VSTM4: variants seen among roughly 807,000 people sequenced by gnomAD.
VSTM4 encodes the protein V-set and transmembrane domain containing 4.
Under a neutral mutation model 36.4 loss-of-function variants are expected in VSTM4, and 20 were observed. The ratio of observed to expected loss-of-function variants is 0.55; its 90% confidence interval spans 0.39 to 0.80. The LOEUF is 0.80. Among genes scored for constraint, VSTM4 ranks in the 30% least tolerant of loss-of-function variants. The pLI, the probability that VSTM4 is intolerant of heterozygous loss-of-function variation, is 0.00. For missense variants in VSTM4, 392 were observed against 404.5 expected (o/e 0.97, Z 0.26); for synonymous variants, 182 against 173.9 (o/e 1.05, Z -0.37).
At position 49,089,013 on chromosome 10, in the gene VSTM4, C is replaced by T. The variant is rs1411912065; in HGVS notation, c.458-2990G>A. Among the ~76,000 whole-genome samples the T allele has an allele frequency of 3.9e-5, 6 of 152,222 alleles. No homozygotes were observed. In the South Asian group the frequency reaches 1.2e-3, roughly 32 times the overall value. ...TCAGAATCTGCTTTCAAGCCCAAATCCCCTGGGTGAAATGTATGCCTTTTA... is the reference window on the plus strand; with the variant it reads ...TCAGAATCTGCTTTCAAGCCCAAATTCCCTGGGTGAAATGTATGCCTTTTA... On this transcript the variant is annotated intron_variant, in intron 2 of 7. Coordinates refer to ENST00000332853, the MANE Select transcript of VSTM4 (RefSeq NM_001031746.5).
chr10:49,104,770 T>C (rs554505423), intron 2 of VSTM4, among the ~76,000 whole-genome samples: 28 of 143,838 alleles, frequency 1.9e-4, no homozygotes, highest in Non-Finnish European at 3.5e-4. Flanking sequence ...CACAGAGAGA[T>C]AGAGAGATAC....
At chr10:49,086,223 T>C (rs1372849770) in intron 2 of VSTM4, among the ~76,000 whole-genome samples, 200 bp from the exon 3 acceptor site, 1 of 152,232 alleles carries the variant, frequency 6.6e-6, no homozygotes, top group Non-Finnish European at 1.5e-5. Flanking sequence ...AAGTCATCCA[T>C]GTTTAAAAGC....
In VSTM4 at chr10:49,027,213, C is replaced by T. The variant is rs994299275; in HGVS notation, c.838-7438G>A. Among the ~76,000 whole-genome samples, 11 of 152,160 alleles carry T rather than the reference C, an allele frequency of 7.2e-5. 1 individual carries two copies. Among genetic ancestry groups the T allele is most frequent in the Non-Finnish European group, 4.4e-5 (3 of 68,026 alleles). ...CACCATCACAGAACTGCTCCCTGGC[C>T]AGTGAAGGAAGGCATTTTACAACAA... On this transcript the variant is annotated intron_variant, in intron 7 of 7. Coordinates refer to ENST00000332853, the MANE Select transcript of VSTM4 (RefSeq NM_001031746.5).
chr10:49,054,624 C>T (rs1365919964), intron 5 of VSTM4, among the ~76,000 whole-genome samples: 1 of 152,150 alleles, frequency 6.6e-6, no homozygotes, highest in Non-Finnish European at 1.5e-5. Flanking sequence ...GAGCAGAAGG[C>T]GGGGAGCAGT....
At chr10:49,026,317 T>A (rs1590067110) in intron 7 of VSTM4, among the ~76,000 whole-genome samples, 1 of 152,268 alleles carries the variant, frequency 6.6e-6, no homozygotes, top group East Asian at 1.9e-4. Context: ...TGCTCAGCTC[T>A]CCCAAGACAT....
At chr10:49,067,622 G>T (rs1018850779) in intron 4 of VSTM4, among the ~76,000 whole-genome samples, 1 of 152,246 alleles carries the variant, frequency 6.6e-6, no homozygotes, top group Non-Finnish European at 1.5e-5. Flanking sequence ...GGTCTCTAAA[G>T]CCCAGGAGAG....
chr10:49,067,317 T>C (rs76110949), intron 4 of VSTM4, among the ~76,000 whole-genome samples: 4,319 of 152,342 alleles, frequency 0.028, 206 homozygotes, highest in African/African-American at 0.099. Context: ...TCATTACTTT[T>C]ATCTTACAGC....
chr10:49,114,552 T>G (rs1270253241), intron 1 of VSTM4, among the ~76,000 whole-genome samples: 2 of 151,558 alleles, frequency 1.3e-5, no homozygotes, highest in African/African-American at 4.9e-5. Flanking sequence ...AGCACCTCCT[T>G]CAGAGGTTAT....
rs1373534047 is a variant in VSTM4 at position 49,096,315 on chromosome 10, G to GC, written c.458-10293dup. On this transcript the variant is annotated intron_variant, in intron 2 of 7. Transcript: ENST00000332853. ...GAAACCATATTATAATTTCATCTTTGCCCCCACATACTTTTAGGGTGACAA... is the reference window on the plus strand; with the variant it reads ...GAAACCATATTATAATTTCATCTTTGCCCCCCACATACTTTTAGGGTGACAA... Among the ~76,000 whole-genome samples, 7 of 152,140 alleles carry GC rather than the reference G, an allele frequency of 4.6e-5. No homozygotes were observed. In the East Asian group the frequency reaches 1.2e-3, roughly 25 times the overall value.
chr10:49,103,569 A>C, intron 2 of VSTM4: 1 of 1,391,886 alleles, frequency 7.2e-7, no homozygotes, highest in Admixed American at 3.2e-5. Context: ...AGATAATAAG[A>C]GCCAACACTC....
chr10:49,026,055 C>A (rs967808997), intron 7 of VSTM4, among the ~76,000 whole-genome samples: 15 of 152,298 alleles, frequency 9.8e-5, no homozygotes, highest in African/African-American at 3.4e-4. Flanking sequence ...GGGCTCCTTG[C>A]CCAGGGAAGC....
chr10:49,068,248 G>C (rs192077358), intron 4 of VSTM4, among the ~76,000 whole-genome samples: 118 of 152,098 alleles, frequency 7.8e-4, no homozygotes, highest in Non-Finnish European at 2.9e-4. Context: ...CTGTGCCACA[G>C]CTGAAGCCAA....
rs928203702 is a variant in VSTM4 at position 49,017,485 on chromosome 10, A to T, written c.*2165T>A. The T allele has an allele frequency of 3.9e-5, 6 of 152,234 alleles. No individual in the cohort carries two copies. Among genetic ancestry groups the T allele is most frequent in the Non-Finnish European group, 8.8e-5 (6 of 68,060 alleles). 9.4% of individuals were successfully genotyped at this position (152,234 alleles called of 1,614,324 possible). A position where few individuals can be genotyped will look rare whatever the true frequency, so the allele number is the denominator to read the frequency against. On this transcript the variant is annotated 3_prime_UTR_variant, in exon 8 of 8. Transcript: ENST00000332853. ...GGCTGGATTCAATCTATAATATAACAATGACTGGTTTGACTCTAACTGGGA... is the reference window on the plus strand; with the variant it reads ...GGCTGGATTCAATCTATAATATAACTATGACTGGTTTGACTCTAACTGGGA...
intron 7 of VSTM4, among the ~76,000 whole-genome samples, chr10:49,025,763 G>A (rs1196851530): frequency 6.6e-6 from 1 of 152,242 alleles, no homozygotes; most frequent in Non-Finnish European, 1.5e-5. Flanking sequence ...CGGGCTAGCT[G>A]CAGGACATTC....
intron 7 of VSTM4, 32 bp downstream of exon 7, chr10:49,046,951 G>C (rs1376054922): frequency 6.2e-7 from 1 of 1,601,884 alleles, no homozygotes. Flanking sequence ...GAGGCTTAAG[G>C]TATGATAGGA....
chr10:49,098,141 A>G (rs1590129510), intron 2 of VSTM4, among the ~76,000 whole-genome samples: 1 of 152,098 alleles, frequency 6.6e-6, no homozygotes, highest in African/African-American at 2.4e-5. Flanking sequence ...TGCTCCCTCA[A>G]TTCTCATCCC....
intron 4 of VSTM4, among the ~76,000 whole-genome samples, chr10:49,074,358 T>C (rs780286020): frequency 6.6e-6 from 1 of 152,230 alleles, no homozygotes; most frequent in Non-Finnish European, 1.5e-5. Context: ...CTTGATGGGA[T>C]AGAGGTAAGA....
intron 5 of VSTM4, among the ~76,000 whole-genome samples, chr10:49,048,824 T>C (rs2131960764): frequency 6.6e-6 from 1 of 152,336 alleles, no homozygotes; most frequent in African/African-American, 2.4e-5. Flanking sequence ...TGGTGATTTA[T>C]AATGAATGTG....
At chr10:49,029,030 C>T (rs887288358) in intron 7 of VSTM4, among the ~76,000 whole-genome samples, 1 of 152,206 alleles carries the variant, frequency 6.6e-6, no homozygotes, top group Non-Finnish European at 1.5e-5. Flanking sequence ...AACAAACTCT[C>T]CCCTAACAAC....
Sources: gnomAD v4.1 joint callset for allele counts (sites outside exome capture counted in the v4.1 genomes callset) on GRCh38, gnomAD v4.1.1 for gene constraint, MANE v1.5 for transcripts, NCBI Gene and HGNC (gene_info 2026-07-23, HGNC 2026-07-21) for gene names.